UNC5D: variants seen among roughly 807,000 people sequenced by gnomAD.
UNC5D encodes netrin receptor UNC5D.
UNC5D carries 39 observed loss-of-function variants against 105.4 expected under a neutral mutation model. The observed-to-expected ratio is 0.37, with a 90% CI of 0.29 to 0.48. The LOEUF is 0.48. Ranked by LOEUF, UNC5D falls within the 20% of genes least tolerant of loss-of-function variation. The pLI is 0.98. For synonymous variants in UNC5D, 452 were observed against 450.4 expected, an observed-to-expected ratio of 1.00 and a Z score of -0.04; for missense variants, 991 against 1,202.4, an observed-to-expected ratio of 0.82 and a Z score of 2.60.
chr8:35,478,764 G>A lies in UNC5D; in HGVS notation c.104-70528G>A, dbSNP rs181527253. ...TTCTATGCTTTTTGATCAAGTGTGA[G>A]GTATCTGAGGAAGCAAAAAGTCAAG... On this transcript the variant is annotated intron_variant, in intron 1 of 16. Coordinates refer to ENST00000404895, the MANE Select transcript of UNC5D (RefSeq NM_080872.4). Among the ~76,000 whole-genome samples the A allele has an allele frequency of 3.4e-3, 520 of 152,190 alleles. 1 individual carries two copies. The highest frequency in any genetic ancestry group is 4.4e-3 in the Non-Finnish European group (298 of 67,978).
intron 1 of UNC5D, among the ~76,000 whole-genome samples, chr8:35,473,747 G>A (rs1347162159): frequency 6.6e-6 from 1 of 152,164 alleles, no homozygotes; most frequent in Admixed American, 6.5e-5. Context: ...CAATATAACA[G>A]TGATATTTTT....
chr8:35,760,047 T>C (rs1232752352), intron 14 of UNC5D, among the ~76,000 whole-genome samples: 1 of 151,546 alleles, frequency 6.6e-6, no homozygotes, highest in Non-Finnish European at 1.5e-5. Context: ...TTTCTTTTTT[T>C]TTTTTTTTTT....
At chr8:35,575,485 C>G (rs1818028671) in intron 3 of UNC5D, among the ~76,000 whole-genome samples, 1 of 152,086 alleles carries the variant, frequency 6.6e-6, no homozygotes, top group Admixed American at 6.5e-5. Flanking sequence ...TACAATGAAG[C>G]CATTCTAAAA....
At chr8:35,244,908 C>T (rs1243372921) in intron 1 of UNC5D, among the ~76,000 whole-genome samples, 1 of 151,748 alleles carries the variant, frequency 6.6e-6, no homozygotes, top group African/African-American at 2.4e-5. Context: ...CCCAGCTACT[C>T]GGGAGGCTGA....
rs10692805 is a variant in UNC5D, at chr8:35,662,186, C to CAAA, written c.571-21345_571-21343dup. On this transcript the variant is annotated intron_variant, in intron 4 of 16. Transcript: ENST00000404895. ...CCAAAAGGAACTAAACAAAAGCTTT[C>CAAA]AAAAAAAAAAAAAAAAAACTGTGCG... Among the ~76,000 whole-genome samples, 1,039 of 108,632 alleles carry CAAA rather than the reference C, an allele frequency of 9.6e-3. 24 individuals carry two copies. Among genetic ancestry groups the CAAA allele is most frequent in the African/African-American group, 0.026 (872 of 33,588 alleles). 71.3% of individuals were successfully genotyped at this position (108,632 alleles called of 152,430 possible).
chr8:35,429,975 A>G (rs769921356), intron 1 of UNC5D, among the ~76,000 whole-genome samples: 4 of 152,168 alleles, frequency 2.6e-5, no homozygotes, highest in Non-Finnish European at 5.9e-5. Context: ...TGTGAAATAT[A>G]TATTTGGTCT....
At chr8:35,254,678 T>G (rs975203935) in intron 1 of UNC5D, 23 of 152,346 alleles carry the variant, frequency 1.5e-4, no homozygotes, top group African/African-American at 4.3e-4. Flanking sequence ...TCCATAGATC[T>G]TCTCTATCCT....
chr8:35,696,435 G>A (rs1826785712), intron 7 of UNC5D, among the ~76,000 whole-genome samples: 1 of 151,958 alleles, frequency 6.6e-6, no homozygotes, highest in Admixed American at 6.6e-5. Flanking sequence ...CATTTGCAGT[G>A]TAATTAATCA....
chr8:35,359,087 G>A (rs79524065), intron 1 of UNC5D, among the ~76,000 whole-genome samples: 6,332 of 152,190 alleles, frequency 0.042, 146 homozygotes, highest in Middle Eastern at 0.054. Context: ...GTAGTTCGAC[G>A]CTGCAATCAG....
At chr8:35,251,717 G>A (rs1232661752) in intron 1 of UNC5D, among the ~76,000 whole-genome samples, 1 of 152,134 alleles carries the variant, frequency 6.6e-6, no homozygotes, top group Non-Finnish European at 1.5e-5. Flanking sequence ...GAGATTCCTT[G>A]TTTTCCTTTA....
intron 1 of UNC5D, among the ~76,000 whole-genome samples, chr8:35,527,696 C>A (rs1813979980): frequency 6.6e-6 from 1 of 152,090 alleles, no homozygotes; most frequent in African/African-American, 2.4e-5. Flanking sequence ...GCATATACTA[C>A]CACAACCAAC....
chr8:35,536,842 A>G (rs1157353737), intron 1 of UNC5D, among the ~76,000 whole-genome samples: 1 of 152,154 alleles, frequency 6.6e-6, no homozygotes, highest in African/African-American at 2.4e-5. Context: ...ATAAAAATAC[A>G]AAATTTAGCC....
At chr8:35,776,077 C>T (rs1802232990) in intron 16 of UNC5D, among the ~76,000 whole-genome samples, 1 of 151,846 alleles carries the variant, frequency 6.6e-6, no homozygotes, top group Admixed American at 6.6e-5. Context: ...AACATGGATC[C>T]AAAAATGAAA....
intron 4 of UNC5D, among the ~76,000 whole-genome samples, chr8:35,674,970 A>G (rs1795085678): frequency 6.6e-6 from 1 of 152,140 alleles, no homozygotes; most frequent in Non-Finnish European, 1.5e-5. Context: ...TACCACTTAT[A>G]CATCTCTAAT....
chr8:35,386,878 T>G (rs777455792), intron 1 of UNC5D, among the ~76,000 whole-genome samples: 1 of 152,176 alleles, frequency 6.6e-6, no homozygotes, highest in Non-Finnish European at 1.5e-5. Flanking sequence ...ATTTTTTATT[T>G]TTTATTTTTC....
chr8:35,442,875 C>CTGTT (rs1441948234), intron 1 of UNC5D, among the ~76,000 whole-genome samples: 9 of 146,022 alleles, frequency 6.2e-5, no homozygotes, highest in Non-Finnish European at 1.3e-4. Context: ...CTCTCTCTCT[C>CTGTT]TCTCTCTGTT....
intron 7 of UNC5D, among the ~76,000 whole-genome samples, chr8:35,693,453 T>C (rs985108014): frequency 6.6e-6 from 1 of 152,182 alleles, no homozygotes; most frequent in African/African-American, 2.4e-5. Context: ...CCTTCATCCA[T>C]TGGTTTATGA....
chr8:35,544,482 T>G, intron 1 of UNC5D: 3 of 1,614,042 alleles, frequency 1.9e-6, no homozygotes, highest in Non-Finnish European at 2.5e-6. Context: ...CTCAGTGATG[T>G]CTGTGCTGGG....
intron 4 of UNC5D, among the ~76,000 whole-genome samples, chr8:35,608,096 C>T (rs1305401677): frequency 7.2e-5 from 11 of 152,118 alleles, no homozygotes; most frequent in Non-Finnish European, 1.5e-4. Context: ...GATCAGGTTC[C>T]CAGGTTCCAA....
Sources: allele counts gnomAD v4.1 joint callset (sites outside exome capture counted in the v4.1 genomes callset), GRCh38; gene constraint gnomAD v4.1.1; transcripts MANE v1.5; gene names NCBI Gene and HGNC (gene_info 2026-07-23, HGNC 2026-07-21).